GRID1: variants seen among roughly 807,000 people sequenced by gnomAD.
GRID1 encodes glutamate ionotropic receptor delta type subunit 1.
In GRID1, 28 loss-of-function variants were observed where a neutral mutation model predicts 98.0. That is an observed-to-expected ratio of 0.29 (90% CI 0.21 to 0.39). The LOEUF (loss-of-function observed/expected upper bound fraction) is 0.39, where lower values mean the gene tolerates loss of function less well. GRID1 is among the 10% of genes least tolerant of loss of function. The pLI is 1.00. For synonymous variants in GRID1, 553 were observed against 538.5 expected, an observed-to-expected ratio of 1.03 and a Z score of -0.37; for missense variants, 1,111 against 1,340.5, an observed-to-expected ratio of 0.83 and a Z score of 2.67.
At chr10:86,048,785 A>G (rs1843460582) in intron 4 of GRID1, among the ~76,000 whole-genome samples, 1 of 152,260 alleles carries the variant, frequency 6.6e-6, no homozygotes. Context: ...TATAGTGTCA[A>G]CATGTAATAA....
chr10:86,247,219 A>G (rs945670620), intron 2 of GRID1, among the ~76,000 whole-genome samples: 4 of 147,684 alleles, frequency 2.7e-5, no homozygotes, highest in African/African-American at 1.0e-4. Context: ...ATAGATGGGT[A>G]AGTAGATGGA....
At chr10:85,976,168 C>T (rs1842470031) in intron 4 of GRID1, among the ~76,000 whole-genome samples, 2 of 152,170 alleles carry the variant, frequency 1.3e-5, no homozygotes, top group African/African-American at 4.8e-5. Flanking sequence ...TTTATTTTCT[C>T]TAATTTGATT....
At chr10:85,704,639 T>C (rs146997551) in intron 12 of GRID1, among the ~76,000 whole-genome samples, 16,958 of 152,116 alleles carry the variant, frequency 0.11, 1,118 homozygotes, top group African/African-American at 0.19. Flanking sequence ...TCTACAGAAC[T>C]CTCCACCCCA....
intron 2 of GRID1, among the ~76,000 whole-genome samples, chr10:86,362,237 G>A (rs4933391): frequency 0.27 from 41,388 of 152,134 alleles, 7,151 homozygotes; most frequent in Admixed American, 0.39. Flanking sequence ...GTTGTAGCTT[G>A]TCACCCCAGG....
intron 4 of GRID1, among the ~76,000 whole-genome samples, chr10:86,128,814 C>T (rs1358172942): frequency 2.6e-5 from 4 of 152,160 alleles, no homozygotes; most frequent in Admixed American, 6.5e-5. Flanking sequence ...TGAGACTCAT[C>T]GATCTCCCCA....
At chr10:86,291,813 G>C (rs543292233) in intron 2 of GRID1, among the ~76,000 whole-genome samples, 2 of 152,142 alleles carry the variant, frequency 1.3e-5, no homozygotes, top group East Asian at 3.9e-4. Context: ...CATGACACAC[G>C]GACACAGCAC....
chr10:85,978,740 A>G (rs6585991), intron 4 of GRID1, among the ~76,000 whole-genome samples: 85,665 of 152,064 alleles, frequency 0.56, 24,418 homozygotes, highest in African/African-American at 0.64. Context: ...TGCCCCAGTG[A>G]GGAAGGCCTG....
intron 2 of GRID1, among the ~76,000 whole-genome samples, chr10:86,329,092 C>A (rs11201981): frequency 0.03 from 4,563 of 152,302 alleles, 122 homozygotes; most frequent in Non-Finnish European, 0.045. Context: ...GAGAAAGAAG[C>A]AGGGGTGTGA....
At chr10:85,764,798 C>T (rs368702349) in intron 8 of GRID1, among the ~76,000 whole-genome samples, 14 of 152,274 alleles carry the variant, frequency 9.2e-5, no homozygotes, top group African/African-American at 3.4e-4. Context: ...TGCATGTCAG[C>T]CATAGTACAG....
chr10:85,662,722 C>T (rs1291397245), intron 12 of GRID1, among the ~76,000 whole-genome samples: 1 of 152,190 alleles, frequency 6.6e-6, no homozygotes, highest in Non-Finnish European at 1.5e-5. Context: ...AAGAGGGCTG[C>T]ACTGTGTCGT....
At chr10:85,954,648 A>G (rs146070296) in intron 4 of GRID1, among the ~76,000 whole-genome samples, 10 of 152,318 alleles carry the variant, frequency 6.6e-5, no homozygotes, top group African/African-American at 2.2e-4. Flanking sequence ...TAAGCAGTGT[A>G]CTCTAGCATA....
At chr10:86,203,172 AC>A (rs1845977796) in intron 3 of GRID1, among the ~76,000 whole-genome samples, 2 of 152,188 alleles carry the variant, frequency 1.3e-5, no homozygotes, top group Non-Finnish European at 2.9e-5. Context: ...ATATTTCCAA[AC>A]CACTTCTGTT....
In GRID1 at chr10:85,600,670, T is replaced by C. The variant is rs1842561479; in HGVS notation, c.*1603A>G. ...TGGAGATCAGACTAACCTTTGTCTT[T>C]AGGAGAGGAACTGAAGTGACACAAC... On this transcript the variant is annotated 3_prime_UTR_variant, in exon 16 of 16. Coordinates refer to ENST00000327946, the MANE Select transcript of GRID1 (RefSeq NM_017551.3). 1 of 152,228 alleles carries C rather than the reference T, an allele frequency of 6.6e-6. No individual in the cohort carries two copies. Among genetic ancestry groups the C allele is most frequent in the Non-Finnish European group, 1.5e-5 (1 of 68,050 alleles). The allele number at this position is 152,228 out of a possible 1,614,324, so 9.4% of individuals were successfully genotyped here. A position where few individuals can be genotyped will look rare whatever the true frequency, so the allele number is the denominator to read the frequency against.
At chr10:85,697,890 G>C (rs928828085) in intron 12 of GRID1, among the ~76,000 whole-genome samples, 4 of 152,112 alleles carry the variant, frequency 2.6e-5, no homozygotes, top group Non-Finnish European at 5.9e-5. Flanking sequence ...GGTGAGGTCT[G>C]AGACTTCACT....
intron 8 of GRID1, among the ~76,000 whole-genome samples, chr10:85,821,978 A>G (rs931188767): frequency 6.6e-6 from 1 of 152,216 alleles, no homozygotes; most frequent in African/African-American, 2.4e-5. Context: ...AACACTGGCT[A>G]GCCATAAGTA....
intron 3 of GRID1, among the ~76,000 whole-genome samples, chr10:86,200,375 T>C: frequency 6.6e-6 from 1 of 152,196 alleles, no homozygotes; most frequent in Non-Finnish European, 1.5e-5. Context: ...AGGAAAAGAC[T>C]GGCCCAAAGG....
chr10:85,749,813 C>G (rs1842029662), intron 8 of GRID1, among the ~76,000 whole-genome samples: 1 of 152,206 alleles, frequency 6.6e-6, no homozygotes, highest in South Asian at 2.1e-4. Context: ...AGACTTCTTG[C>G]ATTAGTCAGT....
chr10:85,849,119 T>C (rs1406838450), intron 8 of GRID1, among the ~76,000 whole-genome samples: 1 of 152,174 alleles, frequency 6.6e-6, no homozygotes, highest in Non-Finnish European at 1.5e-5. Context: ...TTCTACTTCA[T>C]TACGAGTTAG....
intron 8 of GRID1, among the ~76,000 whole-genome samples, chr10:85,774,135 C>A (rs201755117): frequency 5.9e-5 from 9 of 152,168 alleles, no homozygotes; most frequent in Non-Finnish European, 1.0e-4. Context: ...AGATAGCGAT[C>A]AATGGAACAG....
Sources: allele counts gnomAD v4.1 joint callset (sites outside exome capture counted in the v4.1 genomes callset), GRCh38; gene constraint gnomAD v4.1.1; transcripts MANE v1.5; gene names NCBI Gene and HGNC (gene_info 2026-07-23, HGNC 2026-07-21).